TTC3: variants seen among roughly 807,000 people sequenced by gnomAD.
TTC3 encodes the protein tetratricopeptide repeat domain 3, also known as E3 ubiquitin-protein ligase TTC3.
A neutral mutation model predicts 249.6 loss-of-function variants in TTC3; 180 were observed. The observed-to-expected ratio is 0.72, with a 90% CI of 0.64 to 0.82. TTC3 has a LOEUF of 0.82. Ranked by LOEUF, TTC3 falls within the 40% of genes least tolerant of loss-of-function variation. TTC3 has a pLI of 0.00. For missense variants in TTC3, 2,061 were observed against 2,398.4 expected (o/e 0.86, Z 2.94); for synonymous variants, 717 against 805.0 (o/e 0.89, Z 1.85).
intron 34 of TTC3, among the ~76,000 whole-genome samples, chr21:37,170,356 A>AT (rs2081648663): frequency 6.6e-6 from 1 of 152,244 alleles, no homozygotes; most frequent in Non-Finnish European, 1.5e-5. Flanking sequence ...AATACAGATG[A>AT]TTTTTAAACA....
Position 37,138,724 on chromosome 21 carries a change from G to C in TTC3, c.1659+10G>C. The stretch of plus-strand genomic sequence containing the variant: ...AATAGGACAGCCTGAGGTAAGATTT[G>C]TAACAGTGGTAATAAACAATTAAAA... On this transcript the variant is annotated intron_variant, in intron 19 of 45. Transcript: ENST00000355666. 3 of 1,569,322 alleles carry C rather than the reference G, an allele frequency of 1.9e-6. No individual in the cohort carries two copies. The highest frequency in any genetic ancestry group is 2.6e-6 in the Non-Finnish European group (3 of 1,144,290).
chr21:37,151,995 A>G (rs145450740), exon 26 of TTC3: 42 of 1,599,458 alleles, frequency 2.6e-5, no homozygotes, highest in Non-Finnish European at 3.6e-5. Context: ...AGGACTTAAG[A>G]GAAAGTAATC....
chr21:37,119,235 A>G (rs1270423527), intron 11 of TTC3, among the ~76,000 whole-genome samples: 2 of 152,146 alleles, frequency 1.3e-5, no homozygotes, highest in Admixed American at 6.5e-5. Context: ...AGGCGGGACT[A>G]TAGTGGCATT....
At chr21:37,201,546 A>G (rs2148260372) in exon 46 of TTC3, 1 of 1,614,026 alleles carries the variant, frequency 6.2e-7, no homozygotes, top group Non-Finnish European at 8.5e-7. Flanking sequence ...AGTCAGAATC[A>G]GGAGCTGCCT....
At chr21:37,198,288 T>G (rs2085134071) in intron 44 of TTC3, among the ~76,000 whole-genome samples, 1 of 152,200 alleles carries the variant, frequency 6.6e-6, no homozygotes, top group South Asian at 2.1e-4. Context: ...TCGTGGGGGA[T>G]CTGAGCCTTC....
chr21:37,153,352 T>G (rs767998), intron 27 of TTC3, 75 bp downstream of exon 27: 627,596 of 1,305,808 alleles, frequency 0.48, 153,078 homozygotes, highest in African/African-American at 0.64. Context: ...CATTTTCATT[T>G]TCCTGCCATA....
chr21:37,090,270 G>A (rs2073080017), exon 6 of TTC3: 1 of 1,606,416 alleles, frequency 6.2e-7, no homozygotes, highest in African/African-American at 1.3e-5. Context: ...TTGAGAATTG[G>A]TTGTAAAATA....
intron 42 of TTC3, 61 bp downstream of exon 42, chr21:37,196,097 T>G: frequency 6.3e-7 from 1 of 1,575,660 alleles, no homozygotes; most frequent in African/African-American, 1.4e-5. Context: ...GTTTCCTGAT[T>G]AGATAAAATC....
chr21:37,095,598 G>T lies in TTC3; in HGVS notation c.782+154G>T, dbSNP rs896447517. The T allele has an allele frequency of 5.9e-6, 3 of 509,096 alleles. No individual in the cohort carries two copies. In the South Asian group the frequency reaches 1.0e-4, roughly 17 times the overall value. 31.5% of individuals were successfully genotyped at this position (509,096 alleles called of 1,614,324 possible). A position where few individuals can be genotyped will look rare whatever the true frequency, so the allele number is the denominator to read the frequency against. On this transcript the variant is annotated intron_variant, in intron 9 of 45. Coordinates refer to ENST00000355666, the Ensembl canonical transcript of TTC3. Reference sequence around the variant, plus strand: ...ATCCTTGGGTGTTGGAAGCATTGGAGATGGCCTGGGTATATGAAGCTAACG... The same window carrying T: ...ATCCTTGGGTGTTGGAAGCATTGGATATGGCCTGGGTATATGAAGCTAACG...
chr21:37,169,372 C>T lies in TTC3; in HGVS notation c.4467+1752C>T, dbSNP rs529974151. Among the ~76,000 whole-genome samples, 11 of 152,172 alleles carry T rather than the reference C, an allele frequency of 7.2e-5. No individual in the cohort carries two copies. The East Asian group carries it at 1.7e-3, about 24-fold the overall frequency. ...GAGTGCCTGGCCAACATGTTGAAAC[C>T]CCGTCTCTACTAAAAATACAAAAAT... On this transcript the variant is annotated intron_variant, in intron 34 of 45. Coordinates refer to ENST00000355666, the Ensembl canonical transcript of TTC3.
At chr21:37,176,194 A>G (rs2082272839) in intron 35 of TTC3, among the ~76,000 whole-genome samples, 1 of 152,222 alleles carries the variant, frequency 6.6e-6, no homozygotes, top group Admixed American at 6.5e-5. Flanking sequence ...ACATAGGTTC[A>G]TTTTTGTTTG....
At chr21:37,198,219 T>C (rs1314221528) in intron 44 of TTC3, among the ~76,000 whole-genome samples, 194 bp downstream of exon 44, 1 of 152,202 alleles carries the variant, frequency 6.6e-6, no homozygotes, top group African/African-American at 2.4e-5. Context: ...TCTGCTGTGA[T>C]ACGTTTGGGC....
chr21:37,143,314 A>G (rs1172954295), intron 20 of TTC3, among the ~76,000 whole-genome samples: 1 of 152,178 alleles, frequency 6.6e-6, no homozygotes, highest in Non-Finnish European at 1.5e-5. Flanking sequence ...CAGGCAACCT[A>G]CAGAATGGGA....
At chr21:37,093,899 G>T (rs975666264) in intron 7 of TTC3, 106 bp from the exon 8 acceptor site, 8 of 643,940 alleles carry the variant, frequency 1.2e-5, no homozygotes, top group Admixed American at 9.1e-5. Context: ...AATAATATAG[G>T]ACCGTTGTGG....
chr21:37,187,094 G>C (rs746022181), exon 38 of TTC3: 1 of 1,570,946 alleles, frequency 6.4e-7, no homozygotes, highest in South Asian at 1.2e-5. Flanking sequence ...AGTATATAAA[G>C]AAAGGGAAAG....
exon 12 of TTC3, chr21:37,121,860 A>G (rs1396396424): frequency 2.5e-6 from 4 of 1,610,240 alleles, no homozygotes; most frequent in Admixed American, 1.7e-5. Flanking sequence ...CTGGGGGAAT[A>G]TGACTGGGCC....
At chr21:37,119,939 C>T (rs2076452011) in intron 11 of TTC3, among the ~76,000 whole-genome samples, 1 of 152,178 alleles carries the variant, frequency 6.6e-6, no homozygotes, top group Admixed American at 6.5e-5. Flanking sequence ...GACCCTCTCT[C>T]AGTGTGTGTA....
intron 1 of TTC3, among the ~76,000 whole-genome samples, chr21:37,080,685 G>A (rs996441163): frequency 1.3e-5 from 2 of 151,880 alleles, no homozygotes; most frequent in African/African-American, 2.4e-5. Context: ...CTAGTGGCTC[G>A]AACCTTTACT....
Position 37,098,008 on chromosome 21 carries a change from G to T in TTC3, c.845+1365G>T, listed in dbSNP as rs775992640. On this transcript the variant is annotated intron_variant, in intron 10 of 45. Coordinates refer to ENST00000355666, the Ensembl canonical transcript of TTC3. ...TAATCCAACCACCTTGGAGAATACCGCTGTATTAACGTTATGCAGCTTTTA... is the reference window on the plus strand; with the variant it reads ...TAATCCAACCACCTTGGAGAATACCTCTGTATTAACGTTATGCAGCTTTTA... 10 of 702,926 alleles carry T rather than the reference G, an allele frequency of 1.4e-5. No homozygotes were observed. The South Asian group carries it at 1.5e-4, about 11-fold the overall frequency. 43.5% of individuals were successfully genotyped at this position (702,926 alleles called of 1,614,324 possible). A position where few individuals can be genotyped will look rare whatever the true frequency, so the allele number is the denominator to read the frequency against.
Sources: allele counts gnomAD v4.1 joint callset (sites outside exome capture counted in the v4.1 genomes callset), GRCh38; gene constraint gnomAD v4.1.1; transcripts MANE v1.5; gene names NCBI Gene and HGNC (gene_info 2026-07-23, HGNC 2026-07-21).